MANBAL: variants seen among roughly 807,000 people sequenced by gnomAD.
MANBAL encodes the protein protein MANBAL.
Under a neutral mutation model 6.4 loss-of-function variants are expected in MANBAL, and 1 was observed. That is an observed-to-expected ratio of 0.16 (90% CI 0.06 to 0.74). The LOEUF (loss-of-function observed/expected upper bound fraction) is 0.74, where lower values mean the gene tolerates loss of function less well. Among genes scored for constraint, MANBAL ranks in the 30% least tolerant of loss-of-function variants. The pLI is 0.78. For synonymous variants in MANBAL, 47 were observed against 45.8 expected, an observed-to-expected ratio of 1.03 and a Z score of -0.10; for missense variants, 100 against 107.8, an observed-to-expected ratio of 0.93 and a Z score of 0.32.
chr20:37,299,329 G>A (rs932983592), intron 1 of MANBAL, among the ~76,000 whole-genome samples: 6 of 152,042 alleles, frequency 3.9e-5, no homozygotes, highest in South Asian at 4.1e-4. Context: ...TCTGCCCACC[G>A]TGGCCTCCCA....
rs535011438 is a variant in MANBAL, at chr20:37,289,695, C to G, written c.-57+9C>G. 1 of 152,408 alleles carries G rather than the reference C, an allele frequency of 6.6e-6. No homozygotes were observed. The highest frequency in any genetic ancestry group is 1.5e-5 in the Non-Finnish European group (1 of 68,210). 9.4% of individuals were successfully genotyped at this position (152,408 alleles called of 1,614,324 possible). On this transcript the variant is annotated intron_variant, in intron 1 of 2. Transcript: ENST00000373606. ...GCGCGGCGGCGCGGGAGGTGAGTGC[C>G]GCAGCTTTGCGGTGGGGTGGGAACC... is the stretch of plus-strand genomic sequence containing the variant.
chr20:37,292,353 G>A (rs912375067), intron 1 of MANBAL, among the ~76,000 whole-genome samples: 1 of 152,322 alleles, frequency 6.6e-6, no homozygotes, highest in African/African-American at 2.4e-5. Flanking sequence ...CCAGGCTGGA[G>A]TGCAGTGGTG....
At chr20:37,309,979 T>C (rs1323421818) in intron 2 of MANBAL, among the ~76,000 whole-genome samples, 1 of 152,078 alleles carries the variant, frequency 6.6e-6, no homozygotes, top group Non-Finnish European at 1.5e-5. Context: ...GATTGCCGTG[T>C]GATGAGGGTA....
Position 37,316,726 on chromosome 20 carries a change from G to A in MANBAL, c.*311G>A, listed in dbSNP as rs2069529871. 8.5e-6 allele frequency: 2 copies of A among 236,512 alleles called. No homozygotes were observed. The highest frequency in any genetic ancestry group is 5.9e-5 in the South Asian group (1 of 16,992). The allele number at this position is 236,512 out of a possible 1,614,324, so 14.7% of individuals were successfully genotyped here. On this transcript the variant is annotated 3_prime_UTR_variant, in exon 3 of 3. Coordinates refer to ENST00000373606, the MANE Select transcript of MANBAL (RefSeq NM_001003897.2). Reference sequence around the variant, plus strand: ...GTCACATTTTCTTGCTTAGTCATGTGTCCCTCCTTGAGTTGCCCCCTCCTT... The same window carrying A: ...GTCACATTTTCTTGCTTAGTCATGTATCCCTCCTTGAGTTGCCCCCTCCTT...
intron 2 of MANBAL, among the ~76,000 whole-genome samples, chr20:37,313,688 AG>A (rs557334850): frequency 2.0e-3 from 304 of 152,350 alleles, no homozygotes; most frequent in Middle Eastern, 0.014. Flanking sequence ...CCTGGGCAAA[AG>A]AGTGAGACCT....
At chr20:37,289,872 G>GC (rs1255266593) in intron 1 of MANBAL, among the ~76,000 whole-genome samples, 186 bp downstream of exon 1, 2 of 152,222 alleles carry the variant, frequency 1.3e-5, no homozygotes, top group African/African-American at 2.4e-5. Context: ...GGGAATTTGA[G>GC]CCCCCCGGGA....
intron 2 of MANBAL, among the ~76,000 whole-genome samples, chr20:37,304,917 G>T (rs1403259808): frequency 6.6e-6 from 1 of 152,214 alleles, no homozygotes; most frequent in Non-Finnish European, 1.5e-5. Context: ...AGCCACGGCA[G>T]GGGACAGGGT....
chr20:37,304,706 G>A (rs1300413652), intron 2 of MANBAL, among the ~76,000 whole-genome samples: 3 of 152,214 alleles, frequency 2.0e-5, no homozygotes, highest in Non-Finnish European at 2.9e-5. Context: ...GGAACCTATT[G>A]ATGCAGTGGA....
intron 1 of MANBAL, among the ~76,000 whole-genome samples, chr20:37,291,886 C>T (rs535954776): frequency 2.0e-4 from 31 of 152,310 alleles, no homozygotes; most frequent in African/African-American, 7.2e-4. Flanking sequence ...CATGTGGAAC[C>T]GTGAGTCCGT....
In MANBAL at chr20:37,293,274, G is replaced by T. The variant is rs377326617; in HGVS notation, c.-57+3588G>T. On this transcript the variant is annotated intron_variant, in intron 1 of 2. Coordinates refer to ENST00000373606, the MANE Select transcript of MANBAL (RefSeq NM_001003897.2). ...TCACCATAATGTAGAATCAGTGGGA[G>T]CCCTGAGCTTGTTTTCCTACAACTA... Among the ~76,000 whole-genome samples, 22 of 152,290 alleles carry T rather than the reference G, an allele frequency of 1.4e-4. No individual in the cohort carries two copies. The East Asian group carries it at 3.9e-3, about 27-fold the overall frequency.
Position 37,301,368 on chromosome 20 carries a change from CTG to C in MANBAL, c.110_111del (p.Val37AlafsTer16), listed in dbSNP as rs1568600555. The C allele has an allele frequency of 6.2e-7, 1 of 1,613,908 alleles. No individual in the cohort carries two copies. The highest frequency in any genetic ancestry group is 8.5e-7 in the Non-Finnish European group (1 of 1,179,864). On this transcript the variant is annotated frameshift_variant, in exon 2 of 3. Transcript: ENST00000373606. LOFTEE classifies it high-confidence loss of function. ...LFLGAIFQLI[C>X]VLAIIVPIPK... is the part of the protein sequence containing the mutation. ...TCCTGGGAGCCATCTTCCAGCTCAT[CTG>C]TGTGCTGGCCATCATCGTACCCATT...
chr20:37,316,823 T>C lies in MANBAL; in HGVS notation c.*408T>C. 1 of 176,480 alleles carries C rather than the reference T, an allele frequency of 5.7e-6. No individual in the cohort carries two copies. The highest frequency in any genetic ancestry group is 1.2e-5 in the Non-Finnish European group (1 of 84,406). 10.9% of individuals were successfully genotyped at this position (176,480 alleles called of 1,614,324 possible). A position where few individuals can be genotyped will look rare whatever the true frequency, so the allele number is the denominator to read the frequency against. On this transcript the variant is annotated 3_prime_UTR_variant, in exon 3 of 3. Coordinates refer to ENST00000373606, the MANE Select transcript of MANBAL (RefSeq NM_001003897.2). ...ACACCCTCTCCCATTATTTGTGCAC[T>C]ACAGATCTCCTCCTGATCAGTCACC...
At chr20:37,293,964 T>C (rs1055596575) in intron 1 of MANBAL, among the ~76,000 whole-genome samples, 4 of 152,224 alleles carry the variant, frequency 2.6e-5, no homozygotes, top group Non-Finnish European at 4.4e-5. Flanking sequence ...TATGTTGGTG[T>C]GTTTTAAAAA....
At chr20:37,295,002 G>A (rs1368728103) in intron 1 of MANBAL, among the ~76,000 whole-genome samples, 1 of 152,148 alleles carries the variant, frequency 6.6e-6, no homozygotes, top group Non-Finnish European at 1.5e-5. Flanking sequence ...AATTCTGATG[G>A]GGTATGAAAG....
chr20:37,316,644 AC>A lies in MANBAL; in HGVS notation c.*230del, dbSNP rs778958045. ...ACGGTTTAGAGTCAAGGGGGCTGAAACACACTGTGAGCATAGACTGTATTAG... is the reference window on the plus strand; with the variant it reads ...ACGGTTTAGAGTCAAGGGGGCTGAAAACACTGTGAGCATAGACTGTATTAG... On this transcript the variant is annotated 3_prime_UTR_variant, in exon 3 of 3. Coordinates refer to ENST00000373606, the MANE Select transcript of MANBAL (RefSeq NM_001003897.2). The A allele has an allele frequency of 5.4e-5, 23 of 426,276 alleles. No homozygotes were observed. The highest frequency in any genetic ancestry group is 7.4e-5 in the Non-Finnish European group (17 of 230,348). 26.4% of individuals were successfully genotyped at this position (426,276 alleles called of 1,614,324 possible). A position where few individuals can be genotyped will look rare whatever the true frequency, so the allele number is the denominator to read the frequency against.
At chr20:37,306,485 C>T (rs1022810609) in intron 2 of MANBAL, among the ~76,000 whole-genome samples, 1 of 152,280 alleles carries the variant, frequency 6.6e-6, no homozygotes, top group African/African-American at 2.4e-5. Context: ...TTTGTAAAAT[C>T]AAAAACCAAG....
At chr20:37,304,015 C>T (rs966673856) in intron 2 of MANBAL, among the ~76,000 whole-genome samples, 4 of 152,216 alleles carry the variant, frequency 2.6e-5, no homozygotes, top group African/African-American at 9.7e-5. Context: ...GCATGCTTCT[C>T]TAAGATTAGC....
chr20:37,312,542 T>A (rs2069412256), intron 2 of MANBAL, among the ~76,000 whole-genome samples: 2 of 152,312 alleles, frequency 1.3e-5, no homozygotes, highest in African/African-American at 4.8e-5. Context: ...TGTTTATAAA[T>A]TGGGCCTCAT....
chr20:37,316,406 G>A lies in MANBAL; in HGVS notation c.249G>A (p.Lys83=). 1 of 1,613,194 alleles carries A rather than the reference G, an allele frequency of 6.2e-7. No homozygotes were observed. The highest frequency in any genetic ancestry group is 8.5e-7 in the Non-Finnish European group (1 of 1,179,448). Residue 83 remains lysine, a synonymous_variant, in exon 3 of 3, where the codon AAG becomes AAA. Transcript: ENST00000373606. ...VNKRPKKETK[K]KR is the part of the protein sequence containing the mutation. ...AGAGGCCCAAGAAAGAGACTAAGAA[G>A]AAGCGGTAGAAGAGGAGGCCTGAGG...
Sources: allele counts gnomAD v4.1 joint callset (sites outside exome capture counted in the v4.1 genomes callset), GRCh38; gene constraint gnomAD v4.1.1; transcripts MANE v1.5; gene names NCBI Gene and HGNC (gene_info 2026-07-23, HGNC 2026-07-21).